The following ENOX1 variants were observed in gnomAD, a reference collection of about 807,000 sequenced individuals.
ENOX1 encodes ecto-NOX disulfide-thiol exchanger 1, also known as candidate growth-related and time keeping constitutive hydroquinone (NADH) oxidase.
Under a neutral mutation model 82.5 loss-of-function variants are expected in ENOX1, and 42 were observed. That is an observed-to-expected ratio of 0.51 (90% confidence interval 0.40 to 0.66). The LOEUF (loss-of-function observed/expected upper bound fraction) is 0.66, where lower values mean the gene tolerates loss of function less well. ENOX1 is among the 30% of genes least tolerant of loss of function. The pLI, the probability that ENOX1 is intolerant of heterozygous loss-of-function variation, is 0.00. For missense variants in ENOX1, 608 were observed against 811.6 expected (o/e 0.75, Z 3.05); for synonymous variants, 271 against 282.2 (o/e 0.96, Z 0.40).
rs192655328 is a variant in ENOX1, at chr13:43,420,675, A to C, written c.-74-7687T>G. ...TGACTACAGAGAAGATCAATGACTT[A>C]AGCAGAATTTCAGGTGGTTTCACTG... is the stretch of plus-strand genomic sequence containing the variant. On this transcript the variant is annotated intron_variant, in intron 3 of 16. Transcript: ENST00000690772. 1.3e-4 allele frequency among the ~76,000 whole-genome samples: 20 copies of C among 152,314 alleles called. No individual in the cohort carries two copies. The East Asian group carries it at 3.5e-3, about 26-fold the overall frequency.
At position 43,412,784 on chromosome 13, in the gene ENOX1, C is replaced by G; in HGVS notation, c.70+61G>C. 9 of 1,601,208 alleles carry G rather than the reference C, an allele frequency of 5.6e-6. No homozygotes were observed. The South Asian group carries it at 1.0e-4, about 18-fold the overall frequency. On this transcript the variant is annotated intron_variant, in intron 4 of 16. Coordinates refer to ENST00000690772, the MANE Select transcript of ENOX1 (RefSeq NM_001347969.2). ...TGCATATTTTTCAAGGTGGGGCAAG[C>G]TTTTCCACTAAGAACTCAAAAAATC...
intron 1 of ENOX1, among the ~76,000 whole-genome samples, chr13:43,782,242 AATGT>A (rs754058793): frequency 2.6e-5 from 4 of 152,226 alleles, no homozygotes; most frequent in Non-Finnish European, 5.9e-5. Flanking sequence ...GGTTAAATTA[AATGT>A]ATGAACTAAA....
At chr13:43,677,380 G>A (rs2085560009) in intron 1 of ENOX1, among the ~76,000 whole-genome samples, 2 of 152,284 alleles carry the variant, frequency 1.3e-5, no homozygotes, top group South Asian at 2.1e-4. Flanking sequence ...TTCAAGATGA[G>A]GGCTTTTGGT....
chr13:43,350,442 G>A (rs933941912), intron 8 of ENOX1, among the ~76,000 whole-genome samples: 7 of 152,108 alleles, frequency 4.6e-5, no homozygotes, highest in African/African-American at 7.2e-5. Context: ...AAATTGGTAA[G>A]TGTTTTTTGT....
At chr13:43,540,163 T>C (rs1053427015) in intron 2 of ENOX1, among the ~76,000 whole-genome samples, 6 of 152,208 alleles carry the variant, frequency 3.9e-5, no homozygotes, top group African/African-American at 1.4e-4. Context: ...ACAAACATAT[T>C]CGAGTTTAAG....
chr13:43,737,565 C>A (rs2089694178), intron 1 of ENOX1, among the ~76,000 whole-genome samples: 1 of 152,172 alleles, frequency 6.6e-6, no homozygotes, highest in South Asian at 2.1e-4. Context: ...ACTGATCTCA[C>A]TAGCCAAGGA....
intron 2 of ENOX1, among the ~76,000 whole-genome samples, chr13:43,595,054 C>G (rs1489361330): frequency 6.7e-6 from 1 of 149,286 alleles, no homozygotes; most frequent in Non-Finnish European, 1.5e-5. Context: ...TGCTGTGGAT[C>G]TCAGATGCCT....
At chr13:43,661,421 A>G (rs965371262) in intron 2 of ENOX1, among the ~76,000 whole-genome samples, 1 of 152,212 alleles carries the variant, frequency 6.6e-6, no homozygotes, top group Non-Finnish European at 1.5e-5. Context: ...GACAAGTCTG[A>G]ACACAGATGC....
chr13:43,620,477 A>G (rs2153745622), intron 2 of ENOX1, among the ~76,000 whole-genome samples: 1 of 152,186 alleles, frequency 6.6e-6, no homozygotes, highest in South Asian at 2.1e-4. Flanking sequence ...GAATTTTTAA[A>G]TTTCCATCTT....
At chr13:43,358,824 T>A (rs995298769) in intron 7 of ENOX1, among the ~76,000 whole-genome samples, 6 of 152,226 alleles carry the variant, frequency 3.9e-5, no homozygotes, top group African/African-American at 1.2e-4. Flanking sequence ...TTATGAAATG[T>A]CTTCATTCTA....
At chr13:43,448,778 T>C (rs2056797032) in intron 3 of ENOX1, among the ~76,000 whole-genome samples, 1 of 152,180 alleles carries the variant, frequency 6.6e-6, no homozygotes, top group Admixed American at 6.5e-5. Flanking sequence ...TCGCCAACTC[T>C]CCTGGCAACC....
At chr13:43,222,377 T>G (rs2041834369) in intron 16 of ENOX1, among the ~76,000 whole-genome samples, 2 of 142,324 alleles carry the variant, frequency 1.4e-5, no homozygotes, top group Admixed American at 7.2e-5. Flanking sequence ...CAGGAGATGA[T>G]TTTACACACA....
chr13:43,353,845 T>C (rs1163994341), intron 8 of ENOX1, among the ~76,000 whole-genome samples: 1 of 152,250 alleles, frequency 6.6e-6, no homozygotes, highest in Admixed American at 6.5e-5. Flanking sequence ...ATTATACTCA[T>C]CTATATAAAT....
intron 14 of ENOX1, among the ~76,000 whole-genome samples, chr13:43,256,446 T>C (rs925977834): frequency 1.3e-5 from 2 of 151,928 alleles, no homozygotes; most frequent in African/African-American, 2.4e-5. Context: ...AATTAAAACA[T>C]AAGGAACTCA....
rs2049277584 is a variant in ENOX1, at chr13:43,344,727, T to C, written c.847A>G (p.Ile283Val). ...LKDDSKFSEA[I>V]TVLLSWIERG... ...TCAATCCAGGAAAGCAGCACTGTGA[T>C]AGCCTCTGAAAACTTGCTATCATCT... The change falls in exon 9 of 17, where the codon ATC (isoleucine) becomes GTC (valine). Residue 283 changes from isoleucine (I) to valine (V), a missense_variant. Coordinates refer to ENST00000690772, the MANE Select transcript of ENOX1 (RefSeq NM_001347969.2). 2 of 1,614,186 alleles carry C rather than the reference T, an allele frequency of 1.2e-6. No homozygotes were observed. The highest frequency in any genetic ancestry group is 1.3e-5 in the African/African-American group (1 of 75,066).
chr13:43,329,256 A>G (rs2153532669), intron 9 of ENOX1, among the ~76,000 whole-genome samples: 1 of 152,254 alleles, frequency 6.6e-6, no homozygotes, highest in African/African-American at 2.4e-5. Flanking sequence ...GGAACTTTAT[A>G]TTGTAGGATT....
rs1566353131 is a variant in ENOX1, at chr13:43,256,939, G to GGT, written c.1611+8458_1611+8459insAC. Among the ~76,000 whole-genome samples the GGT allele has an allele frequency of 1.7e-3, 264 of 151,812 alleles. 1 individual carries two copies. The highest frequency in any genetic ancestry group is 6.2e-3 in the African/African-American group (256 of 41,390). Reference sequence around the variant, plus strand: ...TCAGATGAATGGATAAAGAAACTGTGATATATATATATACACACAATGGAA... The same window carrying GGT: ...TCAGATGAATGGATAAAGAAACTGTGGTATATATATATATACACACAATGGAA... On this transcript the variant is annotated intron_variant, in intron 14 of 16. Transcript: ENST00000690772.
chr13:43,721,559 T>C (rs2153818251), intron 1 of ENOX1, among the ~76,000 whole-genome samples: 1 of 150,724 alleles, frequency 6.6e-6, no homozygotes, highest in Non-Finnish European at 1.5e-5. Flanking sequence ...TTTGTGTTTT[T>C]AGTAGAGACG....
chr13:43,344,812 G>C, intron 8 of ENOX1, 62 bp from the exon 9 acceptor site: 2 of 1,532,284 alleles, frequency 1.3e-6, no homozygotes, highest in Non-Finnish European at 1.8e-6. Context: ...CTTTATTCTT[G>C]TTCCTCTCAA....
Sources: gnomAD v4.1 joint callset for allele counts (sites outside exome capture counted in the v4.1 genomes callset) on GRCh38, gnomAD v4.1.1 for gene constraint, MANE v1.5 for transcripts, NCBI Gene and HGNC (gene_info 2026-07-23, HGNC 2026-07-21) for gene names.